Variants in HLA-F observed in about 807,000 individuals in gnomAD.
The protein encoded by HLA-F is major histocompatibility complex, class I, F, also known as HLA class I histocompatibility antigen, alpha chain F.
In HLA-F, 46 loss-of-function variants were observed where a neutral mutation model predicts 49.5. The observed-to-expected ratio is 0.93, with a 90% CI of 0.73 to 1.19. The LOEUF (loss-of-function observed/expected upper bound fraction) is 1.19. Ranked by LOEUF, HLA-F falls within the 50% of genes most tolerant of loss-of-function variation. HLA-F has a pLI of 0.00. For missense variants in HLA-F, 496 were observed against 579.6 expected (o/e 0.86, Z 1.48); for synonymous variants, 203 against 233.5 (o/e 0.87, Z 1.19).
Position 29,725,059 on chromosome 6 carries a change from C to T in HLA-F, c.639C>T (p.His213=), listed in dbSNP as rs113894357. The change falls in exon 4 of 7, where the codon CAC becomes CAT. Residue 213 remains histidine, a synonymous_variant. Coordinates refer to ENST00000259951, the MANE Select transcript of HLA-F (RefSeq NM_001098479.2). ...CTCCAAAGGCACACGTTGCCCACCACCCCATCTCTGACCATGAGGCCACCC... is the reference window on the plus strand; with the variant it reads ...CTCCAAAGGCACACGTTGCCCACCATCCCATCTCTGACCATGAGGCCACCC... The part of the protein sequence containing the change: ...ADPPKAHVAH[H]PISDHEATLR... The T allele has an allele frequency of 6.2e-7, 1 of 1,613,032 alleles. No individual in the cohort carries two copies. Among genetic ancestry groups the T allele is most frequent in the Non-Finnish European group, 8.5e-7 (1 of 1,179,680 alleles).
At chr6:29,726,677 T>C in intron 6 of HLA-F, 1 of 1,439,828 alleles carries the variant, frequency 6.9e-7, no homozygotes, top group Admixed American at 1.7e-5. Context: ...GTTTAGGTGA[T>C]CCCAATTTTG....
downstream of HLA-F, among the ~76,000 whole-genome samples, chr6:29,731,227 GGATACATA>G (rs1333684387): frequency 0.32 from 42,495 of 131,194 alleles, 6,228 homozygotes; most frequent in Admixed American, 0.36. Context: ...TAGAGTAGAT[GGATACATA>G]GATAGATAGA....
downstream of HLA-F, among the ~76,000 whole-genome samples, chr6:29,731,278 T>TAGAG (rs1554229368): frequency 0.016 from 2,368 of 151,140 alleles, 28 homozygotes; most frequent in South Asian, 0.03. Flanking sequence ...GATAGATAGA[T>TAGAG]AGACAAGAGG....
chr6:29,734,292 A>G (rs567884799), intron 3 of HLA-F, among the ~76,000 whole-genome samples: 2 of 152,328 alleles, frequency 1.3e-5, no homozygotes, highest in African/African-American at 4.8e-5. Context: ...TACAAAAATT[A>G]TATACTCACT....
At chr6:29,730,010 C>T (rs1168436542), downstream of HLA-F, among the ~76,000 whole-genome samples, 1 of 152,150 alleles carries the variant, frequency 6.6e-6, no homozygotes, top group Non-Finnish European at 1.5e-5. Context: ...ATGATGCTTC[C>T]TCAAGAAAGT....
chr6:29,730,717 C>G (rs1583277723), downstream of HLA-F, among the ~76,000 whole-genome samples: 2 of 152,264 alleles, frequency 1.3e-5, no homozygotes, highest in East Asian at 3.9e-4. Context: ...ATTACTCACA[C>G]AAAGGCAGAG....
rs1775629920 is a variant in HLA-F at position 29,723,703 on chromosome 6, G to A, written c.110G>A (p.Gly37Asp). ...TTCAGCACCGCTGTGTCGCGGCCCGGCCGCGGGGAGCCCCGCTACATCGCC... is the reference window on the plus strand; with the variant it reads ...TTCAGCACCGCTGTGTCGCGGCCCGACCGCGGGGAGCCCCGCTACATCGCC... ...RYFSTAVSRP[G>D]RGEPRYIAVE... The change falls in exon 2 of 7, where the codon GGC becomes GAC. Residue 37 changes from glycine (G) to aspartate (D), a missense_variant. By Grantham distance (94) the Gly-to-Asp change is moderately conservative. Coordinates refer to ENST00000259951, the MANE Select transcript of HLA-F (RefSeq NM_001098479.2). 6.2e-7 allele frequency: 1 copy of A among 1,611,438 alleles called. No individual in the cohort carries two copies. Among genetic ancestry groups the A allele is most frequent in the African/African-American group, 1.3e-5 (1 of 74,916 alleles).
chr6:29,726,134 C>A, intron 6 of HLA-F, 91 bp downstream of exon 6: 2 of 1,264,584 alleles, frequency 1.6e-6, no homozygotes, highest in Non-Finnish European at 2.3e-6. Context: ...TTCCTCTAGC[C>A]ACATCTGTGG....
In HLA-F at chr6:29,727,126, G is replaced by C. The variant is rs755734764; in HGVS notation, c.1280G>C (p.Arg427Pro). Reference protein sequence around the residue: ...GFRRGRSFLLRSWHHLMKRVQ... With the variant: ...GFRRGRSFLLPSWHHLMKRVQ... ...AGGAGGGGCAGGAGCTTCCTTCTTC[G>C]TTCTTGGCACCATCTTATGAAAAGG... is the stretch of plus-strand genomic sequence containing the variant. Residue 427 changes from arginine (R) to proline (P), a missense_variant, in exon 7 of 7, where the codon CGT becomes CCT. By Grantham distance (103) the Arg-to-Pro change is moderately radical. Coordinates refer to ENST00000259951, the MANE Select transcript of HLA-F (RefSeq NM_001098479.2). 5 of 1,608,170 alleles carry C rather than the reference G, an allele frequency of 3.1e-6. No individual in the cohort carries two copies. Among genetic ancestry groups the C allele is most frequent in the Non-Finnish European group, 4.2e-6 (5 of 1,178,846 alleles).
chr6:29,726,191 C>A, intron 6 of HLA-F, 148 bp downstream of exon 6: 1 of 971,186 alleles, frequency 1.0e-6, no homozygotes, highest in Non-Finnish European at 1.7e-6. Flanking sequence ...ACTGACAGTG[C>A]CCAGGGCTCT....
At chr6:29,737,248 A>G (rs535446619) in intron 3 of HLA-F, among the ~76,000 whole-genome samples, 92 of 148,802 alleles carry the variant, frequency 6.2e-4, no homozygotes, top group African/African-American at 2.1e-3. Flanking sequence ...AAAACCCTGA[A>G]TAGACGCAAA....
At chr6:29,733,840 T>C (rs567682069) in intron 3 of HLA-F, among the ~76,000 whole-genome samples, 27 of 152,316 alleles carry the variant, frequency 1.8e-4, no homozygotes, top group Non-Finnish European at 1.6e-4. Flanking sequence ...TATAAAATAC[T>C]GATTATCTCA....
At chr6:29,734,733 G>A (rs2523395) in intron 3 of HLA-F, among the ~76,000 whole-genome samples, 59,902 of 151,872 alleles carry the variant, frequency 0.39, 11,998 homozygotes, top group Non-Finnish European at 0.44. Context: ...TAGTAGGTTC[G>A]CAATGTTATG....
chr6:29,723,948 G>T, intron 2 of HLA-F, 21 bp downstream of exon 2: 2 of 1,581,622 alleles, frequency 1.3e-6, no homozygotes, highest in East Asian at 2.3e-5. Context: ...CCGGCCGGGG[G>T]CGCAGGTCAC....
intron 1 of HLA-F, 31 bp downstream of exon 1, chr6:29,723,558 CTGTGGGGAGGAG>C (rs749761804): frequency 1.2e-6 from 2 of 1,605,800 alleles, no homozygotes; most frequent in South Asian, 2.2e-5. Flanking sequence ...GAAACGGCCT[CTGTGGGGAGGAG>C]TGAGGGGCCC....
chr6:29,733,871 A>G (rs1776831763), intron 3 of HLA-F, among the ~76,000 whole-genome samples: 1 of 148,066 alleles, frequency 6.8e-6, no homozygotes, highest in South Asian at 2.1e-4. Context: ...TAAAAATACT[A>G]TAATTATATA....
intron 1 of HLA-F, 24 bp from the exon 2 acceptor site, chr6:29,723,634 G>C: frequency 1.9e-6 from 3 of 1,605,804 alleles, no homozygotes; most frequent in Non-Finnish European, 1.7e-6. Context: ...GGTCTGGCGG[G>C]TCTCAGCCCC....
At chr6:29,733,124 G>A (rs1244194749) in intron 3 of HLA-F, among the ~76,000 whole-genome samples, 1 of 152,128 alleles carries the variant, frequency 6.6e-6, no homozygotes, top group Non-Finnish European at 1.5e-5. Context: ...GAGAGGCGGA[G>A]GTTGCAGTGA....
chr6:29,724,504 C>A, intron 3 of HLA-F, 56 bp downstream of exon 3: 1 of 1,579,644 alleles, frequency 6.3e-7, no homozygotes, highest in Non-Finnish European at 8.7e-7. Context: ...GGGATGGCCT[C>A]GCACAAGGTT....
Sources: allele counts gnomAD v4.1 joint callset (sites outside exome capture counted in the v4.1 genomes callset), GRCh38; gene constraint gnomAD v4.1.1; transcripts MANE v1.5; gene names NCBI Gene and HGNC (gene_info 2026-07-23, HGNC 2026-07-21).